Variants in TNFSF11 observed in about 807,000 individuals in gnomAD.
TNFSF11 encodes the protein TNF superfamily member 11.
TNFSF11 carries 12 observed loss-of-function variants against 32.2 expected under a neutral mutation model. The ratio of observed to expected loss-of-function variants is 0.37; its 90% CI spans 0.24 to 0.60. The LOEUF is 0.60. Among genes scored for constraint, TNFSF11 ranks in the 20% least tolerant of loss-of-function variants. The pLI is 0.66. For missense variants in TNFSF11, 345 were observed against 398.0 expected (o/e 0.87, Z 1.13); for synonymous variants, 172 against 152.1 (o/e 1.13, Z -0.96).
chr13:42,577,364 G>A (rs12427596), intron 1 of TNFSF11, among the ~76,000 whole-genome samples: 55,925 of 151,988 alleles, frequency 0.37, 11,240 homozygotes, highest in East Asian at 0.45. Context: ...CAGATTGCAT[G>A]TGCCTAGATG....
At chr13:42,567,104 A>G (rs1446571917) in intron 2 of TNFSF11, among the ~76,000 whole-genome samples, 1 of 152,170 alleles carries the variant, frequency 6.6e-6, no homozygotes, top group Non-Finnish European at 1.5e-5. Context: ...AAACAATAAA[A>G]AATTATTTTC....
intron 1 of TNFSF11, among the ~76,000 whole-genome samples, chr13:42,579,394 G>A (rs1873480523): frequency 1.6e-5 from 2 of 124,898 alleles, no homozygotes; most frequent in South Asian, 5.0e-4. Context: ...GGGTGGGGGT[G>A]ACAAAGCAAG....
chr13:42,591,478 T>C (rs924229449), intron 2 of TNFSF11, among the ~76,000 whole-genome samples: 2 of 152,138 alleles, frequency 1.3e-5, no homozygotes, highest in South Asian at 2.1e-4. Flanking sequence ...CTTATAGGGC[T>C]CTGCTCTACG....
At chr13:42,585,772 C>A (rs1020355544) in intron 2 of TNFSF11, among the ~76,000 whole-genome samples, 6 of 152,194 alleles carry the variant, frequency 3.9e-5, no homozygotes, top group Non-Finnish European at 5.9e-5. Flanking sequence ...TCTGTTTATG[C>A]ACTTACTATA....
intron 2 of TNFSF11, among the ~76,000 whole-genome samples, chr13:42,567,434 A>G (rs1566371118): frequency 6.6e-6 from 1 of 152,224 alleles, no homozygotes; most frequent in African/African-American, 2.4e-5. Context: ...CTTCCTTCAT[A>G]CATGACCAAG....
At chr13:42,584,064 C>T (rs367687581) in intron 2 of TNFSF11, among the ~76,000 whole-genome samples, 2 of 151,970 alleles carry the variant, frequency 1.3e-5, no homozygotes, top group African/African-American at 4.8e-5. Context: ...ATAAACATAA[C>T]AAGAAATGTA....
intron 1 of TNFSF11, among the ~76,000 whole-genome samples, chr13:42,563,507 A>G (rs756167075): frequency 5.3e-5 from 8 of 152,128 alleles, no homozygotes; most frequent in Non-Finnish European, 1.2e-4. Context: ...TACCAAAATT[A>G]CAAAAATTAG....
At chr13:42,598,753 G>A (rs1868961950) in intron 2 of TNFSF11, among the ~76,000 whole-genome samples, 6 of 152,186 alleles carry the variant, frequency 3.9e-5, no homozygotes, top group Admixed American at 3.3e-4. Flanking sequence ...GCCATGAGCA[G>A]CTTAATAATG....
At chr13:42,592,381 G>T (rs535014947) in intron 2 of TNFSF11, among the ~76,000 whole-genome samples, 1 of 152,160 alleles carries the variant, frequency 6.6e-6, no homozygotes, top group African/African-American at 2.4e-5. Flanking sequence ...GAAAGCACTT[G>T]ACTTACTATG....
At chr13:42,564,896 C>T (rs1872813214) in intron 1 of TNFSF11, among the ~76,000 whole-genome samples, 1 of 152,184 alleles carries the variant, frequency 6.6e-6, no homozygotes. Flanking sequence ...TTCTCTCATA[C>T]ACTAGAAGAT....
At position 42,599,349 on chromosome 13, in the gene TNFSF11, C is replaced by CTATCATCTATCTATCTATCT. The variant is rs11385072; in HGVS notation, c.388-1403_388-1402insTATCATCTATCTATCTATCT. Among the ~76,000 whole-genome samples, 299 of 112,224 alleles carry CTATCATCTATCTATCTATCT rather than the reference C, an allele frequency of 2.7e-3. 1 individual carries two copies. Among genetic ancestry groups the CTATCATCTATCTATCTATCT allele is most frequent in the East Asian group, 3.5e-3 (13 of 3,712 alleles). The allele number at this position is 112,224 out of a possible 152,430, so 73.6% of individuals were successfully genotyped here. On this transcript the variant is annotated intron_variant, in intron 2 of 4. Transcript: ENST00000398795. ...TCTATCTATCTATCTATCTATCTAT[C>CTATCATCTATCTATCTATCT]ATCTATCTATCTATCTATCTATCTA...
In TNFSF11 at chr13:42,600,760, A is replaced by G. The variant is rs34151971; in HGVS notation, c.396A>G (p.Gln132=). 2,343 of 1,613,962 alleles carry G rather than the reference A, an allele frequency of 1.5e-3. 38 individuals carry two copies. The African/African-American group carries it at 0.026, about 18-fold the overall frequency. ...AFQGAVQKEL[Q]HIVGSQHIRA... is the part of the protein sequence containing the mutation. ...TTTCCTTTTTATTTCAGGAATTACAACATATCGTTGGATCACAGCACATCA... is the reference window on the plus strand; with the variant it reads ...TTTCCTTTTTATTTCAGGAATTACAGCATATCGTTGGATCACAGCACATCA... Residue 132 remains glutamine, a synonymous_variant, in exon 3 of 5, where the codon CAA becomes CAG. Coordinates refer to ENST00000398795, the MANE Select transcript of TNFSF11 (RefSeq NM_003701.4).
chr13:42,602,585 A>T (rs1169538145), intron 4 of TNFSF11, among the ~76,000 whole-genome samples: 1 of 152,212 alleles, frequency 6.6e-6, no homozygotes. Context: ...CTTCATAAAT[A>T]ATTTGTCTCA....
In TNFSF11 at chr13:42,581,211, C is replaced by T. The variant is rs1566377050; in HGVS notation, c.305C>T (p.Thr102Ile). The T allele has an allele frequency of 6.2e-7, 1 of 1,614,036 alleles. No individual in the cohort carries two copies. The highest frequency in any genetic ancestry group is 8.5e-7 in the Non-Finnish European group (1 of 1,179,944). ...RLHENADFQD[T>I]TLESQDTKLI... Reference sequence around the variant, plus strand: ...CATGAAAATGCAGATTTTCAAGACACAACTCTGGAGAGTCAAGATACAAAA... The same window carrying T: ...CATGAAAATGCAGATTTTCAAGACATAACTCTGGAGAGTCAAGATACAAAA... Residue 102 changes from threonine to isoleucine, a missense_variant, in exon 2 of 5, where the codon ACA (threonine) becomes ATA (isoleucine). Around this residue, in one of 2 missense-constraint regions of TNFSF11, gnomAD observed 197 missense variants for 182.0 expected, o/e 1.08. Transcript: ENST00000398795.
chr13:42,582,784 T>C (rs1377409770), intron 2 of TNFSF11, among the ~76,000 whole-genome samples: 2 of 152,216 alleles, frequency 1.3e-5, no homozygotes, highest in Non-Finnish European at 2.9e-5. Context: ...ATTTTTATTG[T>C]TCTGTTTTAT....
At chr13:42,585,602 T>C (rs1448990102) in intron 2 of TNFSF11, among the ~76,000 whole-genome samples, 1 of 152,234 alleles carries the variant, frequency 6.6e-6, no homozygotes, top group Non-Finnish European at 1.5e-5. Flanking sequence ...ATATGGTGTC[T>C]GATTTATAAA....
chr13:42,583,433 A>AG (rs1217082138), intron 2 of TNFSF11, among the ~76,000 whole-genome samples: 2 of 70,832 alleles, frequency 2.8e-5, no homozygotes, highest in Non-Finnish European at 5.8e-5. Context: ...AAAAAAAAAA[A>AG]AAAAAGAAAG....
chr13:42,578,408 C>T (rs925964656), intron 1 of TNFSF11, among the ~76,000 whole-genome samples: 2 of 152,190 alleles, frequency 1.3e-5, no homozygotes, highest in African/African-American at 4.8e-5. Context: ...ACCTCTCCTC[C>T]TCCGTTTTCT....
chr13:42,603,955 T>C (rs1869315398), intron 4 of TNFSF11, among the ~76,000 whole-genome samples: 1 of 152,142 alleles, frequency 6.6e-6, no homozygotes, highest in African/African-American at 2.4e-5. Flanking sequence ...AGAGAGATGT[T>C]TAGTAGGAAA....
Sources: allele counts gnomAD v4.1 joint callset (sites outside exome capture counted in the v4.1 genomes callset), GRCh38; gene constraint gnomAD v4.1.1; regional missense constraint gnomAD v4.1.1; transcripts MANE v1.5; gene names NCBI Gene and HGNC (gene_info 2026-07-23, HGNC 2026-07-21).